The following LSAMP variants were observed in gnomAD, a reference collection of about 807,000 sequenced individuals.
LSAMP encodes the protein limbic system associated membrane protein, also known as limbic system-associated membrane protein.
In LSAMP, 7 loss-of-function variants were observed where a neutral mutation model predicts 38.6. The ratio of observed to expected loss-of-function variants is 0.18; its 90% CI spans 0.10 to 0.34. The LOEUF (loss-of-function observed/expected upper bound fraction) is 0.34. Among genes scored for constraint, LSAMP ranks in the 10% least tolerant of loss-of-function variants. The pLI, the probability that LSAMP is intolerant of heterozygous loss-of-function variation, is 1.00. For synonymous variants in LSAMP, 154 were observed against 166.8 expected (o/e 0.92, Z 0.59); for missense variants, 313 against 420.0 (o/e 0.75, Z 2.23).
At chr3:116,292,029 G>T (rs1161976847) in intron 1 of LSAMP, among the ~76,000 whole-genome samples, 1 of 151,986 alleles carries the variant, frequency 6.6e-6, no homozygotes, top group Non-Finnish European at 1.5e-5. Context: ...AACATAAAAT[G>T]GTACCACTCG....
intron 3 of LSAMP, among the ~76,000 whole-genome samples, chr3:115,975,706 T>C (rs1939166599): frequency 1.3e-5 from 2 of 152,160 alleles, no homozygotes; most frequent in African/African-American, 2.4e-5. Flanking sequence ...ATTGACTGTT[T>C]TTTTCCCTGT....
intron 1 of LSAMP, among the ~76,000 whole-genome samples, chr3:116,210,759 T>C (rs1458326647): frequency 6.6e-6 from 1 of 152,038 alleles, no homozygotes; most frequent in Admixed American, 6.6e-5. Flanking sequence ...AATACACAAA[T>C]ATAGGCCAGA....
intron 1 of LSAMP, among the ~76,000 whole-genome samples, chr3:116,344,911 A>C (rs1231483371): frequency 6.6e-6 from 1 of 152,182 alleles, no homozygotes; most frequent in African/African-American, 2.4e-5. Context: ...TTTGATTTCT[A>C]TATTATTCAC....
At chr3:116,136,208 T>C (rs1709244697) in intron 1 of LSAMP, among the ~76,000 whole-genome samples, 1 of 152,110 alleles carries the variant, frequency 6.6e-6, no homozygotes, top group Non-Finnish European at 1.5e-5. Context: ...TGGCAAGGGA[T>C]TGGAGCATGT....
At chr3:115,917,414 G>A (rs1937275279) in intron 3 of LSAMP, among the ~76,000 whole-genome samples, 1 of 152,120 alleles carries the variant, frequency 6.6e-6, no homozygotes, top group Non-Finnish European at 1.5e-5. Flanking sequence ...CCATCTCTCA[G>A]TGATTTCCTC....
At chr3:115,934,182 A>ATT (rs1481743740) in intron 3 of LSAMP, among the ~76,000 whole-genome samples, 1 of 20,688 alleles carries the variant, frequency 4.8e-5, no homozygotes, top group African/African-American at 7.0e-5. Flanking sequence ...TTATTATTTT[A>ATT]TTTTATTTTT....
At chr3:116,425,590 G>C (rs2049184102) in intron 1 of LSAMP, among the ~76,000 whole-genome samples, 1 of 152,038 alleles carries the variant, frequency 6.6e-6, no homozygotes, top group Non-Finnish European at 1.5e-5. Flanking sequence ...TAAAAATATT[G>C]ATTGAAATGT....
intron 2 of LSAMP, among the ~76,000 whole-genome samples, chr3:116,064,739 A>G (rs1433065276): frequency 6.6e-6 from 1 of 152,212 alleles, no homozygotes; most frequent in African/African-American, 2.4e-5. Context: ...ACACAGAGAC[A>G]TACAAACAAC....
chr3:116,388,519 A>G (rs1026131981), intron 1 of LSAMP, among the ~76,000 whole-genome samples: 3 of 152,184 alleles, frequency 2.0e-5, no homozygotes, highest in Admixed American at 1.3e-4. Context: ...AAAACGCACG[A>G]AAATATTTTA....
intron 1 of LSAMP, among the ~76,000 whole-genome samples, chr3:116,199,152 T>A (rs2045954075): frequency 6.6e-6 from 1 of 151,676 alleles, no homozygotes; most frequent in South Asian, 2.1e-4. Flanking sequence ...AGGGTTGAGA[T>A]GTTTGCTTGT....
intron 1 of LSAMP, among the ~76,000 whole-genome samples, chr3:116,179,313 C>T (rs1710428825): frequency 1.3e-5 from 2 of 152,076 alleles, no homozygotes; most frequent in African/African-American, 4.8e-5. Flanking sequence ...AGTAAGATCA[C>T]AGGACCACAT....
intron 1 of LSAMP, among the ~76,000 whole-genome samples, chr3:116,309,791 T>C (rs936933117): frequency 1.3e-5 from 2 of 152,150 alleles, no homozygotes; most frequent in Non-Finnish European, 2.9e-5. Flanking sequence ...ATGATGAAAA[T>C]GCTTAATGAC....
chr3:116,225,887 C>T (rs550045657), intron 1 of LSAMP, among the ~76,000 whole-genome samples: 1 of 152,008 alleles, frequency 6.6e-6, no homozygotes, highest in African/African-American at 2.4e-5. Flanking sequence ...AACAATCTTA[C>T]AAATCATCTT....
intron 1 of LSAMP, among the ~76,000 whole-genome samples, chr3:116,246,938 T>G (rs1402897822): frequency 6.6e-6 from 1 of 152,150 alleles, no homozygotes; most frequent in African/African-American, 2.4e-5. Flanking sequence ...TCAGGACACT[T>G]TGAAATCAAC....
rs1707989286 is a variant in LSAMP at position 116,086,367 on chromosome 3, T to C, written c.345A>G (p.Thr115=). The change falls in exon 2 of 7, where the codon ACA becomes ACG. Residue 115 remains threonine, a synonymous_variant. Transcript: ENST00000490035. ...DEGSYTCSVQ[T]QHEPKTSQVY... ...CTTGGGAGGTCTTGGGCTCATGCTG[T>C]GTCTGAACTGAGCAAGTGTAGGAAC... is the stretch of plus-strand genomic sequence containing the variant. 1.2e-6 allele frequency: 2 copies of C among 1,614,070 alleles called. No individual in the cohort carries two copies. Among genetic ancestry groups the C allele is most frequent in the Non-Finnish European group, 1.7e-6 (2 of 1,180,034 alleles).
intron 3 of LSAMP, among the ~76,000 whole-genome samples, chr3:115,975,420 GC>G (rs1939156720): frequency 6.6e-6 from 1 of 152,184 alleles, no homozygotes; most frequent in Admixed American, 6.5e-5. Context: ...GATGATTGAA[GC>G]AGGGACAGAG....
At chr3:116,337,996 A>G (rs1199784885) in intron 1 of LSAMP, among the ~76,000 whole-genome samples, 6 of 152,084 alleles carry the variant, frequency 3.9e-5, no homozygotes, top group Admixed American at 3.9e-4. Context: ...GAGGATAGAA[A>G]GGAAGAGAAA....
intron 2 of LSAMP, among the ~76,000 whole-genome samples, chr3:116,070,446 T>C (rs918834500): frequency 6.6e-6 from 1 of 152,194 alleles, no homozygotes; most frequent in Non-Finnish European, 1.5e-5. Flanking sequence ...TAAGATCGAA[T>C]AAGAATTCTG....
Position 116,103,942 on chromosome 3 carries a change from A to G in LSAMP, c.156-17386T>C, listed in dbSNP as rs141217689. On this transcript the variant is annotated intron_variant, in intron 1 of 6. Coordinates refer to ENST00000490035, the MANE Select transcript of LSAMP (RefSeq NM_002338.5). The stretch of plus-strand genomic sequence containing the variant: ...TACCTTTGTATAATACCTGAATCAC[A>G]GAATACTGTGACAGAGGGTAAGAAA... Among the ~76,000 whole-genome samples, 4 of 152,378 alleles carry G rather than the reference A, an allele frequency of 2.6e-5. No homozygotes were observed. The East Asian group carries it at 7.7e-4, about 29-fold the overall frequency.
Sources: allele counts gnomAD v4.1 joint callset (sites outside exome capture counted in the v4.1 genomes callset), GRCh38; gene constraint gnomAD v4.1.1; transcripts MANE v1.5; gene names NCBI Gene and HGNC (gene_info 2026-07-23, HGNC 2026-07-21).